The following GPHN variants were observed in gnomAD, a reference collection of about 807,000 sequenced individuals.
The protein encoded by GPHN is gephyrin.
Under a neutral mutation model 95.5 loss-of-function variants are expected in GPHN, and 17 were observed. The ratio of observed to expected loss-of-function variants is 0.18; its 90% CI spans 0.12 to 0.27. The LOEUF (loss-of-function observed/expected upper bound fraction) is 0.27. Ranked by LOEUF, GPHN falls within the 10% of genes least tolerant of loss-of-function variation. The pLI is 1.00. For missense variants in GPHN, 660 were observed against 978.1 expected, an observed-to-expected ratio of 0.67 and a Z score of 4.34; for synonymous variants, 320 against 322.5, an observed-to-expected ratio of 0.99 and a Z score of 0.08.
the GPHN span, among the ~76,000 whole-genome samples, chr14:67,291,189 T>C: frequency 1.3e-5 from 2 of 149,960 alleles, no homozygotes; most frequent in Non-Finnish European, 3.0e-5. Context: ...CGTGTGCATG[T>C]ACACTCACAC....
At chr14:66,593,442 A>G (rs903122113) in intron 1 of GPHN, among the ~76,000 whole-genome samples, 1 of 152,132 alleles carries the variant, frequency 6.6e-6, no homozygotes, top group African/African-American at 2.4e-5. Flanking sequence ...CATGTCTTAC[A>G]TGGCATCAGG....
At chr14:67,478,556 T>C in the GPHN span, among the ~76,000 whole-genome samples, 1 of 152,226 alleles carries the variant, frequency 6.6e-6, no homozygotes, top group Non-Finnish European at 1.5e-5. Context: ...CCGATGTTTC[T>C]CACCACTTGA....
chr14:67,198,133 C>G, the GPHN span: 1 of 1,593,530 alleles, frequency 6.3e-7, no homozygotes, highest in Non-Finnish European at 8.6e-7. Flanking sequence ...TCCATTCCCT[C>G]AGTTTTTTTA....
At chr14:67,589,794 C>T in the GPHN span, 17 of 1,105,992 alleles carry the variant, frequency 1.5e-5, no homozygotes, top group Admixed American at 1.5e-4. Flanking sequence ...TAGCAATTTC[C>T]GAAAGTGTTC....
the GPHN span, among the ~76,000 whole-genome samples, chr14:67,523,239 G>C: frequency 6.6e-6 from 1 of 151,612 alleles, no homozygotes; most frequent in Non-Finnish European, 1.5e-5. Context: ...AGGGAGAATT[G>C]CTTGAATCCA....
At chr14:67,657,904 A>ACG in the GPHN span, among the ~76,000 whole-genome samples, 1 of 151,860 alleles carries the variant, frequency 6.6e-6, no homozygotes, top group African/African-American at 2.4e-5. Context: ...ACCCGCCACC[A>ACG]CGCCCAGCTA....
the GPHN span, among the ~76,000 whole-genome samples, chr14:67,489,750 G>A: frequency 6.6e-6 from 1 of 152,176 alleles, no homozygotes; most frequent in Admixed American, 6.5e-5. Context: ...CAGCACATTG[G>A]GAGGCCGAGG....
chr14:67,569,356 A>G, the GPHN span: 2 of 607,856 alleles, frequency 3.3e-6, no homozygotes, highest in Non-Finnish European at 5.8e-6. Context: ...GGTGAAGTTC[A>G]GGTGAAATCA....
At chr14:67,026,289 A>T (rs1004443230) in intron 10 of GPHN, among the ~76,000 whole-genome samples, 7 of 152,222 alleles carry the variant, frequency 4.6e-5, no homozygotes, top group African/African-American at 1.7e-4. Context: ...ATTAAATAGT[A>T]TAATGCTAGG....
chr14:66,678,455 T>G (rs2066740816), intron 1 of GPHN, among the ~76,000 whole-genome samples: 2 of 152,004 alleles, frequency 1.3e-5, no homozygotes, highest in Non-Finnish European at 2.9e-5. Context: ...GACATTCTAT[T>G]TAATTTCTCA....
intron 10 of GPHN, among the ~76,000 whole-genome samples, chr14:67,051,450 A>G (rs2075302967): frequency 6.6e-6 from 1 of 152,216 alleles, no homozygotes; most frequent in Non-Finnish European, 1.5e-5. Flanking sequence ...TCTGAGAACT[A>G]TGGGATTATG....
intron 4 of GPHN, among the ~76,000 whole-genome samples, chr14:66,834,738 C>A (rs999843727): frequency 2.0e-5 from 3 of 151,284 alleles, no homozygotes; most frequent in African/African-American, 4.9e-5. Flanking sequence ...TGTCTCTGCC[C>A]GGCTTTGGTA....
intron 1 of GPHN, among the ~76,000 whole-genome samples, chr14:66,513,676 T>C (rs2058130298): frequency 1.3e-5 from 2 of 151,874 alleles, no homozygotes; most frequent in African/African-American, 2.4e-5. Context: ...TTTAACCTAC[T>C]TAAAAGTAAT....
the GPHN span, among the ~76,000 whole-genome samples, chr14:67,192,924 A>G: frequency 6.8e-6 from 1 of 146,936 alleles, no homozygotes; most frequent in Admixed American, 6.9e-5. Context: ...ATATATATGT[A>G]TATATAGATA....
intron 5 of GPHN, among the ~76,000 whole-genome samples, chr14:66,914,193 C>T (rs540760781): frequency 7.9e-5 from 12 of 152,096 alleles, no homozygotes; most frequent in Non-Finnish European, 1.6e-4. Flanking sequence ...AGCACTGCTA[C>T]TAAGGTGTCA....
Position 66,749,323 on chromosome 14 carries a change from T to C in GPHN, c.144-27141T>C, listed in dbSNP as rs777720721. 3.9e-4 allele frequency among the ~76,000 whole-genome samples: 60 copies of C among 151,976 alleles called. 2 individuals carry two copies. The highest frequency in any genetic ancestry group is 8.4e-4 in the Non-Finnish European group (57 of 67,870). On this transcript the variant is annotated intron_variant, in intron 2 of 22. Transcript: ENST00000478722. ...ATAAATATCCACATACAGGCTTTTGTGTGGACATAGTTTTCAATTCCTTTG... is the reference window on the plus strand; with the variant it reads ...ATAAATATCCACATACAGGCTTTTGCGTGGACATAGTTTTCAATTCCTTTG...
chr14:66,725,073 G>A (rs892243446), intron 2 of GPHN, among the ~76,000 whole-genome samples: 1 of 152,060 alleles, frequency 6.6e-6, no homozygotes, highest in Non-Finnish European at 1.5e-5. Flanking sequence ...GCAATAGGAC[G>A]GTGGCCTTAT....
chr14:66,557,140 G>C (rs1167828038), intron 1 of GPHN, among the ~76,000 whole-genome samples: 1 of 152,098 alleles, frequency 6.6e-6, no homozygotes, highest in Non-Finnish European at 1.5e-5. Context: ...CCAGGAGTTT[G>C]AGGTGGTAGT....
chr14:67,685,672 G>A, the GPHN span, among the ~76,000 whole-genome samples: 1 of 151,788 alleles, frequency 6.6e-6, no homozygotes, highest in African/African-American at 2.4e-5. Flanking sequence ...CCAGGCTGGA[G>A]TGCAGTGGCA....
Sources: allele counts gnomAD v4.1 joint callset (sites outside exome capture counted in the v4.1 genomes callset), GRCh38; gene constraint gnomAD v4.1.1; transcripts MANE v1.5; gene names NCBI Gene and HGNC (gene_info 2026-07-23, HGNC 2026-07-21).